Variants in ERI3 observed in about 807,000 individuals in gnomAD.
ERI3 encodes the protein ERI1 exoribonuclease family member 3, also known as ERI1 exoribonuclease 3.
Under a neutral mutation model 44.4 loss-of-function variants are expected in ERI3, and 18 were observed. The ratio of observed to expected loss-of-function variants is 0.41; its 90% CI spans 0.28 to 0.60. The LOEUF (loss-of-function observed/expected upper bound fraction) is 0.60, where lower values mean the gene tolerates loss of function less well. Among genes scored for constraint, ERI3 ranks in the 20% least tolerant of loss-of-function variants. The pLI is 0.36. For missense variants in ERI3, 294 were observed against 435.5 expected (o/e 0.68, Z 2.89); for synonymous variants, 183 against 164.8 (o/e 1.11, Z -0.84).
At chr1:44,292,639 T>TGTGC (rs1645531154) in intron 6 of ERI3, among the ~76,000 whole-genome samples, 1 of 152,172 alleles carries the variant, frequency 6.6e-6, no homozygotes, top group South Asian at 2.1e-4. Context: ...CTCAAGCAAG[T>TGTGC]GTGCGTGCAT....
chr1:44,353,496 C>A (rs1246750269), intron 1 of ERI3: 1 of 985,408 alleles, frequency 1.0e-6, no homozygotes, highest in Non-Finnish European at 1.2e-6. Context: ...TGCAGAGATG[C>A]CCCTGTTAGT....
At chr1:44,299,378 A>G (rs1057023092) in intron 6 of ERI3, among the ~76,000 whole-genome samples, 5 of 152,040 alleles carry the variant, frequency 3.3e-5, no homozygotes, top group Admixed American at 6.6e-5. Context: ...TTTTTAATAG[A>G]GACAGGGCCC....
chr1:44,320,617 A>G (rs1311928125), intron 3 of ERI3, among the ~76,000 whole-genome samples: 4 of 152,206 alleles, frequency 2.6e-5, no homozygotes, highest in Admixed American at 6.5e-5. Flanking sequence ...AAGCGAGGAG[A>G]GAGAATAAAA....
chr1:44,320,841 TTC>T (rs1156888017), intron 3 of ERI3, among the ~76,000 whole-genome samples: 2 of 151,780 alleles, frequency 1.3e-5, no homozygotes, highest in African/African-American at 2.4e-5. Context: ...AAAAGCAAAA[TTC>T]TCTGAGTAAA....
chr1:44,295,481 A>C (rs1214080531), intron 6 of ERI3, among the ~76,000 whole-genome samples: 1 of 152,136 alleles, frequency 6.6e-6, no homozygotes, highest in Non-Finnish European at 1.5e-5. Flanking sequence ...CAGTACTTAC[A>C]GGGCCCAGAG....
At chr1:44,333,325 G>A (rs117081440) in intron 3 of ERI3, among the ~76,000 whole-genome samples, 1,849 of 152,320 alleles carry the variant, frequency 0.012, 70 homozygotes, top group East Asian at 0.068. Flanking sequence ...TAGCGTCAGC[G>A]CCTTCGCCTG....
At chr1:44,237,258 C>T (rs934626651) in intron 8 of ERI3, among the ~76,000 whole-genome samples, 1 of 152,204 alleles carries the variant, frequency 6.6e-6, no homozygotes, top group African/African-American at 2.4e-5. Context: ...GCATCTCTCA[C>T]CTCTGAAGCC....
chr1:44,340,644 A>G (rs986610172), intron 2 of ERI3, among the ~76,000 whole-genome samples: 5 of 152,216 alleles, frequency 3.3e-5, no homozygotes, highest in Non-Finnish European at 5.9e-5. Flanking sequence ...TTGCCTATAT[A>G]TATAGTAGGA....
intron 8 of ERI3, among the ~76,000 whole-genome samples, chr1:44,223,534 T>C (rs72891737): frequency 0.011 from 1,601 of 152,252 alleles, 29 homozygotes; most frequent in African/African-American, 0.037. Flanking sequence ...GTGGCCGCTG[T>C]GCATATTAAG....
chr1:44,267,964 C>T (rs1334367092), intron 7 of ERI3, among the ~76,000 whole-genome samples: 1 of 152,214 alleles, frequency 6.6e-6, no homozygotes, highest in African/African-American at 2.4e-5. Flanking sequence ...GGGACTAGCT[C>T]ATCGGGGTAG....
Position 44,313,168 on chromosome 1 carries a change from C to A in ERI3, c.666+1G>T. Reference sequence around the variant, plus strand: ...CAGGAATTAAAGGTCACTCAACCTACCTCCAGCACTTGCTGCAGGCTTGGC... The same window carrying A: ...CAGGAATTAAAGGTCACTCAACCTAACTCCAGCACTTGCTGCAGGCTTGGC... On this transcript the variant is annotated splice_donor_variant, in intron 5 of 8. Coordinates refer to ENST00000372257, the MANE Select transcript of ERI3 (RefSeq NM_024066.3). LOFTEE classifies it high-confidence loss of function. The A allele has an allele frequency of 6.2e-7, 1 of 1,614,124 alleles. No homozygotes were observed. Among genetic ancestry groups the A allele is most frequent in the Non-Finnish European group, 8.5e-7 (1 of 1,179,962 alleles).
At position 44,331,022 on chromosome 1, in the gene ERI3, C is replaced by T. The variant is rs1179121658; in HGVS notation, c.489+8023G>A. 5.3e-5 allele frequency among the ~76,000 whole-genome samples: 8 copies of T among 152,120 alleles called. No individual in the cohort carries two copies. In the East Asian group the frequency reaches 1.5e-3, roughly 29 times the overall value. The stretch of plus-strand genomic sequence containing the variant: ...ACTTAACCTAAACACTCTTGGATTT[C>T]ACTTCCCCCACTGTCCCCGCTTTCC... On this transcript the variant is annotated intron_variant, in intron 3 of 8. Transcript: ENST00000372257.
chr1:44,284,034 G>C, intron 7 of ERI3: 2 of 471,108 alleles, frequency 4.2e-6, no homozygotes, highest in Non-Finnish European at 8.8e-6. Context: ...CTGACTGGTA[G>C]CATGAGGTTC....
chr1:44,352,404 T>TCG (rs1293160977), intron 2 of ERI3, among the ~76,000 whole-genome samples: 1 of 142,928 alleles, frequency 7.0e-6, no homozygotes, highest in Non-Finnish European at 1.5e-5. Flanking sequence ...TAGCAAGGTC[T>TCG]CATAGATAGA....
At chr1:44,254,967 C>T (rs1644752756) in intron 7 of ERI3, among the ~76,000 whole-genome samples, 1 of 151,892 alleles carries the variant, frequency 6.6e-6, no homozygotes, top group South Asian at 2.1e-4. Flanking sequence ...CAAGCATATG[C>T]TTAGATTTCT....
chr1:44,300,762 G>A (rs1645706780), intron 6 of ERI3, among the ~76,000 whole-genome samples: 1 of 152,156 alleles, frequency 6.6e-6, no homozygotes, highest in Non-Finnish European at 1.5e-5. Flanking sequence ...ATGTTTGTGA[G>A]TAGGCTAGCC....
chr1:44,326,614 G>A (rs570731761), intron 3 of ERI3, among the ~76,000 whole-genome samples: 2 of 152,316 alleles, frequency 1.3e-5, no homozygotes, highest in East Asian at 1.9e-4. Context: ...GTCCGGACTT[G>A]TTTGTCAGTT....
chr1:44,281,601 AAT>A (rs1553189558), intron 7 of ERI3, among the ~76,000 whole-genome samples: 217 of 127,958 alleles, frequency 1.7e-3, no homozygotes, highest in Middle Eastern at 3.9e-3. Context: ...AAAAAAAAAA[AAT>A]ATATATATAT....
At chr1:44,326,594 C>T (rs1557854450) in intron 3 of ERI3, among the ~76,000 whole-genome samples, 1 of 152,152 alleles carries the variant, frequency 6.6e-6, no homozygotes, top group African/African-American at 2.4e-5. Flanking sequence ...TATAAATTAC[C>T]CGTCGATTTG....
Sources: gnomAD v4.1 joint callset for allele counts (sites outside exome capture counted in the v4.1 genomes callset) on GRCh38, gnomAD v4.1.1 for gene constraint, MANE v1.5 for transcripts, NCBI Gene and HGNC (gene_info 2026-07-23, HGNC 2026-07-21) for gene names.